INPP5A: variants seen among roughly 807,000 people sequenced by gnomAD.
The protein encoded by INPP5A is inositol polyphosphate-5-phosphatase A.
In INPP5A, 14 loss-of-function variants were observed where a neutral mutation model predicts 65.2. The ratio of observed to expected loss-of-function variants is 0.21; its 90% confidence interval spans 0.14 to 0.34. The LOEUF (loss-of-function observed/expected upper bound fraction) is 0.34, where lower values mean the gene tolerates loss of function less well. INPP5A is among the 10% of genes least tolerant of loss of function. The pLI is 1.00. For missense variants in INPP5A, 431 were observed against 545.6 expected (o/e 0.79, Z 2.09); for synonymous variants, 207 against 208.3 (o/e 0.99, Z 0.05).
intron 11 of INPP5A, among the ~76,000 whole-genome samples, chr10:132,757,178 G>A (rs72868936): frequency 0.032 from 4,912 of 152,250 alleles, 112 homozygotes; most frequent in Non-Finnish European, 0.05. Context: ...GCGTCTCAGC[G>A]TTCCGTATTT....
Position 132,644,793 on chromosome 10 carries a change from C to T in INPP5A, c.118-1075C>T, listed in dbSNP as rs1406064715. Among the ~76,000 whole-genome samples, 1 of 152,248 alleles carries T rather than the reference C, an allele frequency of 6.6e-6. No homozygotes were observed. Among genetic ancestry groups the T allele is most frequent in the Non-Finnish European group, 1.5e-5 (1 of 68,042 alleles). On this transcript the variant is annotated intron_variant, in intron 2 of 15. Transcript: ENST00000368594. The surrounding 1 kb of genome is among the most constrained non-coding windows in gnomAD (Gnocchi z 6.5). ...AGGGGAGCGGGGTCAATCAGTGCCT[C>T]ACCCCTCATCCTGCTCAAGTGAAAT...
chr10:132,667,191 T>TC lies in INPP5A; in HGVS notation c.306+16688dup, dbSNP rs553089815. Among the ~76,000 whole-genome samples, 583 of 152,360 alleles carry TC rather than the reference T, an allele frequency of 3.8e-3. 3 individuals are homozygous for TC. The highest frequency in any genetic ancestry group is 0.02 in the South Asian group (98 of 4,832). The stretch of plus-strand genomic sequence containing the variant: ...GTACAAGCTCAGGACAGCAGACGTT[T>TC]CCAGTATGACCTGGATTGTCTAAGC... On this transcript the variant is annotated intron_variant, in intron 4 of 15. Coordinates refer to ENST00000368594, the MANE Select transcript of INPP5A (RefSeq NM_005539.5).
intron 8 of INPP5A, among the ~76,000 whole-genome samples, chr10:132,713,234 G>T (rs1299598193): frequency 6.6e-6 from 1 of 151,674 alleles, no homozygotes; most frequent in Non-Finnish European, 1.5e-5. Context: ...GTGTGTGTAG[G>T]TGTACAGGTG....
intron 3 of INPP5A, among the ~76,000 whole-genome samples, chr10:132,647,386 G>A (rs2072511811): frequency 6.6e-6 from 1 of 152,142 alleles, no homozygotes; most frequent in Non-Finnish European, 1.5e-5. Context: ...CCAAAGTGCT[G>A]GGATTACAGG....
At chr10:132,648,356 C>T (rs527749946) in intron 3 of INPP5A, among the ~76,000 whole-genome samples, 3 of 152,388 alleles carry the variant, frequency 2.0e-5, no homozygotes, top group East Asian at 3.9e-4. Flanking sequence ...TTCCTTCCTC[C>T]GCGCTTTATG....
chr10:132,667,526 A>G (rs2072821734), intron 4 of INPP5A, among the ~76,000 whole-genome samples: 1 of 152,244 alleles, frequency 6.6e-6, no homozygotes, highest in African/African-American at 2.4e-5. Context: ...GCTTTGCTGA[A>G]GCCTCCAGTG....
At chr10:132,677,209 C>G (rs183270746) in intron 4 of INPP5A, among the ~76,000 whole-genome samples, 2 of 152,202 alleles carry the variant, frequency 1.3e-5, no homozygotes, top group Non-Finnish European at 2.9e-5. Flanking sequence ...CATGGCTGGA[C>G]GCTGTCTCTC....
chr10:132,773,743 G>A (rs1016187396), intron 12 of INPP5A, among the ~76,000 whole-genome samples: 1 of 152,200 alleles, frequency 6.6e-6, no homozygotes, highest in Non-Finnish European at 1.5e-5. Flanking sequence ...GTCACCCGGA[G>A]AGCTTTTGTC....
intron 4 of INPP5A, among the ~76,000 whole-genome samples, chr10:132,657,410 G>A (rs778913174): frequency 6.6e-6 from 1 of 152,208 alleles, no homozygotes; most frequent in African/African-American, 2.4e-5. Flanking sequence ...TGCCTCCCCC[G>A]CGGCTGGGTC....
In INPP5A at chr10:132,650,568, TTC is replaced by T; in HGVS notation, c.306+66_306+67del. On this transcript the variant is annotated intron_variant, in intron 4 of 15. Coordinates refer to ENST00000368594, the MANE Select transcript of INPP5A (RefSeq NM_005539.5). The surrounding 1 kb of genome is among the most constrained non-coding windows in gnomAD (Gnocchi z 5.5). ...GGCTGGCCTTGGCAGAAGCCAGCCC[TTC>T]TCCTGTGTAAATGGAGAGAGGTCGG... is the stretch of plus-strand genomic sequence containing the variant. 1 of 1,186,608 alleles carries T rather than the reference TTC, an allele frequency of 8.4e-7. No individual in the cohort carries two copies. Among genetic ancestry groups the T allele is most frequent in the Non-Finnish European group, 1.3e-6 (1 of 798,358 alleles). The allele number at this position is 1,186,608 out of a possible 1,614,324, so 73.5% of individuals were successfully genotyped here.
At chr10:132,607,792 C>A in intron 1 of INPP5A, 123 bp from the exon 2 acceptor site, 1 of 948,764 alleles carries the variant, frequency 1.1e-6, no homozygotes, top group Non-Finnish European at 1.6e-6. Flanking sequence ...CTCCTCCATG[C>A]GGGGTGGGCC....
At chr10:132,561,204 A>G (rs2071200754) in intron 1 of INPP5A, among the ~76,000 whole-genome samples, 1 of 144,368 alleles carries the variant, frequency 6.9e-6, no homozygotes, top group Admixed American at 7.0e-5. Flanking sequence ...CAGGGACTAC[A>G]GACTTGTATC....
chr10:132,583,772 A>G (rs370317045), intron 1 of INPP5A, among the ~76,000 whole-genome samples: 3 of 152,186 alleles, frequency 2.0e-5, no homozygotes, highest in Non-Finnish European at 2.9e-5. Context: ...ACTTGGTCAC[A>G]TTATATTCCT....
chr10:132,626,682 C>G (rs908068167), intron 2 of INPP5A, among the ~76,000 whole-genome samples: 9 of 152,250 alleles, frequency 5.9e-5, no homozygotes, highest in African/African-American at 2.2e-4. Flanking sequence ...TTTTAGCCAG[C>G]ACTTAGATTC....
intron 2 of INPP5A, among the ~76,000 whole-genome samples, chr10:132,608,760 G>A (rs148798445): frequency 5.9e-5 from 9 of 152,360 alleles, no homozygotes; most frequent in Admixed American, 2.0e-4. Context: ...TCAGACCCAC[G>A]CAAGGGCTGA....
chr10:132,655,043 C>T (rs2072635510), intron 4 of INPP5A, among the ~76,000 whole-genome samples: 1 of 152,280 alleles, frequency 6.6e-6, no homozygotes, highest in Non-Finnish European at 1.5e-5. Context: ...CTGGGATGGA[C>T]ATGCACCGAC....
At position 132,652,846 on chromosome 10, in the gene INPP5A, G is replaced by A. The variant is rs116896898; in HGVS notation, c.306+2341G>A. On this transcript the variant is annotated intron_variant, in intron 4 of 15. Transcript: ENST00000368594. ...GAGCGGTCATTTCACGATGATAAGG[G>A]GTCAGCTTTTTGGGAGGACATAGCG... 3.5e-3 allele frequency among the ~76,000 whole-genome samples: 535 copies of A among 152,308 alleles called. 2 individuals are homozygous for A. The highest frequency in any genetic ancestry group is 5.5e-3 in the Non-Finnish European group (377 of 68,026).
At chr10:132,561,052 C>CTT (rs758540879) in intron 1 of INPP5A, among the ~76,000 whole-genome samples, 20 of 126,948 alleles carry the variant, frequency 1.6e-4, no homozygotes, top group East Asian at 2.3e-4. Context: ...GTTTGAAGCA[C>CTT]TTTTTTTTTT....
intron 9 of INPP5A, among the ~76,000 whole-genome samples, chr10:132,743,874 A>G (rs1846321558): frequency 6.6e-6 from 1 of 152,220 alleles, no homozygotes; most frequent in Non-Finnish European, 1.5e-5. Flanking sequence ...CTGGGGCCAC[A>G]TCTGAGCCTC....
Sources: gnomAD v4.1 joint callset for allele counts (sites outside exome capture counted in the v4.1 genomes callset) on GRCh38, gnomAD v4.1.1 for gene constraint, Gnocchi (gnomAD v3.1) non-coding constraint, MANE v1.5 for transcripts, NCBI Gene and HGNC (gene_info 2026-07-23, HGNC 2026-07-21) for gene names.